C8orf34: variants seen among roughly 807,000 people sequenced by gnomAD.
C8orf34 encodes the protein chromosome 8 open reading frame 34.
C8orf34 carries 65 observed loss-of-function variants against 68.3 expected under a neutral mutation model. The observed-to-expected ratio is 0.95, with a 90% CI of 0.78 to 1.17. C8orf34 has a LOEUF of 1.17. Ranked by LOEUF, C8orf34 falls within the 50% of genes most tolerant of loss-of-function variation. The pLI is 0.00. For synonymous variants in C8orf34, 244 were observed against 241.2 expected (o/e 1.01, Z -0.11); for missense variants, 664 against 655.4 (o/e 1.01, Z -0.14).
chr8:68,450,943 A>G (rs11779017), intron 3 of C8orf34, among the ~76,000 whole-genome samples: 22,335 of 152,078 alleles, frequency 0.15, 1,940 homozygotes, highest in Admixed American at 0.21. Flanking sequence ...TGAAAGTCCT[A>G]AATGGCATCT....
chr8:68,430,711 C>T (rs1249495472), intron 1 of C8orf34, among the ~76,000 whole-genome samples: 1 of 152,040 alleles, frequency 6.6e-6, no homozygotes, highest in African/African-American at 2.4e-5. Context: ...TGAGGAAGGG[C>T]ATGCTATTTC....
At chr8:68,550,829 C>T (rs2130049193) in intron 7 of C8orf34, among the ~76,000 whole-genome samples, 1 of 151,652 alleles carries the variant, frequency 6.6e-6, no homozygotes, top group East Asian at 1.9e-4. Flanking sequence ...TTCTTGCTTG[C>T]ATCATTTCTG....
At chr8:68,760,361 T>C (rs1822988179) in intron 10 of C8orf34, among the ~76,000 whole-genome samples, 1 of 152,124 alleles carries the variant, frequency 6.6e-6, no homozygotes, top group African/African-American at 2.4e-5. Context: ...AAAGAGAGAC[T>C]TGGAAAATTG....
intron 8 of C8orf34, among the ~76,000 whole-genome samples, chr8:68,708,301 CA>C (rs1265853161): frequency 5.3e-5 from 8 of 151,982 alleles, no homozygotes; most frequent in Admixed American, 1.3e-4. Flanking sequence ...TTGTAGAAGT[CA>C]AAAAGCAAAT....
At chr8:68,767,975 G>A (rs1336003318) in intron 10 of C8orf34, among the ~76,000 whole-genome samples, 1 of 152,154 alleles carries the variant, frequency 6.6e-6, no homozygotes, top group Non-Finnish European at 1.5e-5. Context: ...TATTTGGTGA[G>A]CCAGTAATAC....
chr8:68,686,687 T>C (rs1394121445), intron 8 of C8orf34, among the ~76,000 whole-genome samples: 2 of 152,174 alleles, frequency 1.3e-5, no homozygotes, highest in African/African-American at 4.8e-5. Flanking sequence ...GGGGAAATGC[T>C]GAAATCGTTT....
intron 7 of C8orf34, among the ~76,000 whole-genome samples, chr8:68,598,728 C>T (rs1817616357): frequency 6.6e-6 from 1 of 151,998 alleles, no homozygotes; most frequent in African/African-American, 2.4e-5. Flanking sequence ...TGAAGGAATC[C>T]ATTGAAAATT....
rs540676993 is a variant in C8orf34 at position 68,532,619 on chromosome 8, C to T, written c.939-364C>T. ...TAATATTATAAAATATTTATTCCAT[C>T]GAATGTGTTTTCCTTAACATGCATT... On this transcript the variant is annotated intron_variant, in intron 6 of 13. Coordinates refer to ENST00000518698, the MANE Select transcript of C8orf34 (RefSeq NM_052958.4). Among the ~76,000 whole-genome samples, 14 of 152,246 alleles carry T rather than the reference C, an allele frequency of 9.2e-5. No homozygotes were observed. The South Asian group carries it at 1.9e-3, about 20-fold the overall frequency.
chr8:68,453,431 ATC>A (rs1322902297), intron 3 of C8orf34, among the ~76,000 whole-genome samples: 1 of 152,046 alleles, frequency 6.6e-6, no homozygotes, highest in Non-Finnish European at 1.5e-5. Flanking sequence ...ATTTATTTAG[ATC>A]CCCTTTAATT....
intron 1 of C8orf34, among the ~76,000 whole-genome samples, chr8:68,343,264 A>G (rs1023674576): frequency 3.3e-5 from 5 of 152,154 alleles, no homozygotes; most frequent in African/African-American, 1.2e-4. Flanking sequence ...ACAATGAGAA[A>G]TCACTACACA....
At chr8:68,618,659 T>C (rs1818301175) in intron 7 of C8orf34, among the ~76,000 whole-genome samples, 1 of 152,174 alleles carries the variant, frequency 6.6e-6, no homozygotes, top group South Asian at 2.1e-4. Flanking sequence ...TGCACCACTC[T>C]ACCTGGCCTT....
intron 8 of C8orf34, among the ~76,000 whole-genome samples, chr8:68,689,567 ATAACT>A (rs1357124665): frequency 1.1e-4 from 16 of 152,080 alleles, no homozygotes; most frequent in African/African-American, 3.4e-4. Flanking sequence ...CACACCAGAA[ATAACT>A]TAAATGTTCA....
intron 8 of C8orf34, among the ~76,000 whole-genome samples, chr8:68,651,486 A>G (rs1003397724): frequency 1.3e-5 from 2 of 152,234 alleles, no homozygotes; most frequent in Non-Finnish European, 2.9e-5. Flanking sequence ...GATATGTGGA[A>G]GAGAAATTCA....
At chr8:68,634,907 C>T (rs1451163279) in intron 7 of C8orf34, among the ~76,000 whole-genome samples, 1 of 152,176 alleles carries the variant, frequency 6.6e-6, no homozygotes, top group Non-Finnish European at 1.5e-5. Flanking sequence ...AGAACCATAG[C>T]AGTTGTTGAA....
chr8:68,764,276 T>C (rs555292181), intron 10 of C8orf34, among the ~76,000 whole-genome samples: 1 of 152,326 alleles, frequency 6.6e-6, no homozygotes, highest in East Asian at 1.9e-4. Flanking sequence ...ATACAGGAAT[T>C]CTAAATTTGA....
At chr8:68,340,710 A>C (rs1271480800) in intron 1 of C8orf34, among the ~76,000 whole-genome samples, 2 of 152,206 alleles carry the variant, frequency 1.3e-5, no homozygotes, top group Non-Finnish European at 2.9e-5. Flanking sequence ...TTCAATGAAG[A>C]TTATCATCAA....
At chr8:68,333,533 T>C (rs1805722155) in intron 1 of C8orf34, among the ~76,000 whole-genome samples, 1 of 152,218 alleles carries the variant, frequency 6.6e-6, no homozygotes, top group Admixed American at 6.5e-5. Flanking sequence ...AGTACAATTA[T>C]ACGTATTTCA....
chr8:68,463,995 T>A (rs1461997635), intron 3 of C8orf34, among the ~76,000 whole-genome samples: 2 of 152,136 alleles, frequency 1.3e-5, no homozygotes. Context: ...AAAGAGGAAG[T>A]CAAATTGTCC....
chr8:68,422,478 A>G (rs962629447), intron 1 of C8orf34, among the ~76,000 whole-genome samples: 2 of 152,194 alleles, frequency 1.3e-5, no homozygotes, highest in Admixed American at 1.3e-4. Context: ...GGTCATGCTG[A>G]TCCAAGAGGT....
Sources: gnomAD v4.1 joint callset for allele counts (sites outside exome capture counted in the v4.1 genomes callset) on GRCh38, gnomAD v4.1.1 for gene constraint, MANE v1.5 for transcripts, NCBI Gene and HGNC (gene_info 2026-07-23, HGNC 2026-07-21) for gene names.